DLC1: variants seen among roughly 807,000 people sequenced by gnomAD.
DLC1 encodes the protein rho GTPase-activating protein 7.
A neutral mutation model predicts 140.3 loss-of-function variants in DLC1; 54 were observed. That is an observed-to-expected ratio of 0.38 (90% CI 0.31 to 0.48). The LOEUF (loss-of-function observed/expected upper bound fraction) is 0.48, where lower values mean the gene tolerates loss of function less well. Ranked by LOEUF, DLC1 falls within the 20% of genes least tolerant of loss-of-function variation. The pLI is 0.96. For synonymous variants in DLC1, 986 were observed against 728.1 expected (o/e 1.35, Z -5.70); for missense variants, 2,536 against 1,907.0 (o/e 1.33, Z -6.14).
At chr8:13,324,588 A>AAAT (rs1833264371) in intron 4 of DLC1, among the ~76,000 whole-genome samples, 2 of 151,794 alleles carry the variant, frequency 1.3e-5, no homozygotes. Context: ...AAAAAAAAAA[A>AAAT]AGATTTTAAG....
At chr8:13,218,288 T>G (rs1421699035) in intron 5 of DLC1, among the ~76,000 whole-genome samples, 1 of 152,080 alleles carries the variant, frequency 6.6e-6, no homozygotes, top group Non-Finnish European at 1.5e-5. Context: ...ATAAAACTCC[T>G]AGAAGAAAGC....
At chr8:13,409,087 T>G (rs778954884) in intron 2 of DLC1, among the ~76,000 whole-genome samples, 1 of 152,102 alleles carries the variant, frequency 6.6e-6, no homozygotes, top group African/African-American at 2.4e-5. Flanking sequence ...ACTCTCTGAT[T>G]CAGCCCACTG....
intron 4 of DLC1, among the ~76,000 whole-genome samples, chr8:13,366,314 A>G (rs1835476763): frequency 1.3e-5 from 2 of 152,180 alleles, no homozygotes; most frequent in African/African-American, 4.8e-5. Context: ...TCTGTTGAGC[A>G]TCCACTACAT....
At chr8:13,131,582 T>TCTTTAAGGG (rs146753641) in intron 5 of DLC1, among the ~76,000 whole-genome samples, 4 of 151,778 alleles carry the variant, frequency 2.6e-5, no homozygotes, top group Non-Finnish European at 5.9e-5. Flanking sequence ...GACGAAGCTT[T>TCTTTAAGGG]CTTTAAGTGC....
At chr8:13,562,347 T>A (rs12542398) in intron 1 of DLC1, among the ~76,000 whole-genome samples, 1 of 151,812 alleles carries the variant, frequency 6.6e-6, no homozygotes, top group African/African-American at 2.4e-5. Flanking sequence ...ATTTCCAACA[T>A]ATGAAGTGAC....
Position 13,419,119 on chromosome 8 carries a change from T to G in DLC1, c.1024-17500A>C, listed in dbSNP as rs529386098. Among the ~76,000 whole-genome samples the G allele has an allele frequency of 5.3e-4, 81 of 152,272 alleles. No individual in the cohort carries two copies. The Middle Eastern group carries it at 0.01, about 19-fold the overall frequency. ...TCAGCTTAAGGAGATTTTGGGCTGA[T>G]ACAATGTGGTTTTCTAGATATACAA... On this transcript the variant is annotated intron_variant, in intron 2 of 17. Coordinates refer to ENST00000276297, the MANE Select transcript of DLC1 (RefSeq NM_182643.3).
intron 2 of DLC1, among the ~76,000 whole-genome samples, chr8:13,427,998 A>G (rs1259280832): frequency 6.6e-6 from 1 of 152,130 alleles, no homozygotes; most frequent in African/African-American, 2.4e-5. Flanking sequence ...GCTTGCAGAG[A>G]GACAACATCC....
At chr8:13,581,552 C>G (rs1805099794) in intron 1 of DLC1, among the ~76,000 whole-genome samples, 1 of 152,186 alleles carries the variant, frequency 6.6e-6, no homozygotes, top group Non-Finnish European at 1.5e-5. Context: ...TTTATCTAAT[C>G]CAATCCATTT....
At chr8:13,546,725 C>G (rs769463356) in intron 1 of DLC1, among the ~76,000 whole-genome samples, 2 of 152,246 alleles carry the variant, frequency 1.3e-5, no homozygotes, top group African/African-American at 2.4e-5. Context: ...ATGCTTGCAA[C>G]AAGCTCAATG....
intron 10 of DLC1, among the ~76,000 whole-genome samples, chr8:13,096,332 AG>A (rs929668224): frequency 5.5e-4 from 84 of 152,310 alleles, no homozygotes; most frequent in African/African-American, 1.7e-3. Flanking sequence ...AATAGCCAGC[AG>A]GGAAAATATT....
chr8:13,440,698 G>A (rs915764117), intron 2 of DLC1, among the ~76,000 whole-genome samples: 5 of 152,048 alleles, frequency 3.3e-5, no homozygotes, highest in African/African-American at 1.2e-4. Context: ...TCTAGGGGGA[G>A]GTAATTGAAT....
At chr8:13,502,868 T>C (rs1474425373) in intron 1 of DLC1, among the ~76,000 whole-genome samples, 1 of 152,234 alleles carries the variant, frequency 6.6e-6, no homozygotes, top group Admixed American at 6.5e-5. Context: ...AGGATGTTGG[T>C]TTTATGAAGT....
chr8:13,377,005 G>A (rs557752358), intron 4 of DLC1, among the ~76,000 whole-genome samples: 1 of 152,310 alleles, frequency 6.6e-6, no homozygotes, highest in South Asian at 2.1e-4. Flanking sequence ...AGTAGCTAAT[G>A]AATCTTTTGG....
At chr8:13,585,103 C>G (rs1417861776) in intron 1 of DLC1, among the ~76,000 whole-genome samples, 1 of 152,152 alleles carries the variant, frequency 6.6e-6, no homozygotes, top group Non-Finnish European at 1.5e-5. Context: ...TTAGCATTTT[C>G]TTAGATCACA....
At position 13,307,950 on chromosome 8, in the gene DLC1, A is replaced by G. The variant is rs1586107728; in HGVS notation, c.1315-2648T>C. ...TCTTATGATAAGACATTTACTTAGA[A>G]CACAAAATACCTCTATAGGAATATT... On this transcript the variant is annotated intron_variant, in intron 4 of 17. Transcript: ENST00000276297. Among the ~76,000 whole-genome samples the G allele has an allele frequency of 2.0e-5, 3 of 152,328 alleles. No homozygotes were observed. In the South Asian group the frequency reaches 6.2e-4, roughly 32 times the overall value.
chr8:13,433,635 T>A (rs1460699788), intron 2 of DLC1, among the ~76,000 whole-genome samples: 2 of 152,234 alleles, frequency 1.3e-5, no homozygotes, highest in Admixed American at 6.5e-5. Context: ...GAAATGAGAT[T>A]ATGCAATTAT....
chr8:13,183,948 A>G (rs1043599746), intron 5 of DLC1, among the ~76,000 whole-genome samples: 29 of 152,094 alleles, frequency 1.9e-4, no homozygotes, highest in African/African-American at 6.8e-4. Context: ...CTGGTCCTGG[A>G]CTTTTTTTGG....
intron 2 of DLC1, among the ~76,000 whole-genome samples, chr8:13,427,879 G>T (rs892923095): frequency 1.3e-5 from 2 of 152,136 alleles, no homozygotes; most frequent in Admixed American, 1.3e-4. Context: ...GTCTTCTTCT[G>T]ACTTTGTACC....
At chr8:13,434,290 A>C (rs1433966394) in intron 2 of DLC1, among the ~76,000 whole-genome samples, 1 of 152,244 alleles carries the variant, frequency 6.6e-6, no homozygotes, top group Non-Finnish European at 1.5e-5. Context: ...AGTGAGTTCT[A>C]AACCACTGCT....
Sources: gnomAD v4.1 joint callset for allele counts (sites outside exome capture counted in the v4.1 genomes callset) on GRCh38, gnomAD v4.1.1 for gene constraint, MANE v1.5 for transcripts, NCBI Gene and HGNC (gene_info 2026-07-23, HGNC 2026-07-21) for gene names.